Variants in ERBB4 observed in about 807,000 individuals in gnomAD.
ERBB4 encodes the protein erb-b2 receptor tyrosine kinase 4.
In ERBB4, 42 loss-of-function variants were observed where a neutral mutation model predicts 158.0. The ratio of observed to expected loss-of-function variants is 0.27; its 90% CI spans 0.21 to 0.34. The LOEUF (loss-of-function observed/expected upper bound fraction) is 0.34. Among genes scored for constraint, ERBB4 ranks in the 10% least tolerant of loss-of-function variants. The pLI, the probability that ERBB4 is intolerant of heterozygous loss-of-function variation, is 1.00. For missense variants in ERBB4, 1,333 were observed against 1,624.1 expected (o/e 0.82, Z 3.08); for synonymous variants, 583 against 558.7 (o/e 1.04, Z -0.61).
chr2:212,505,129 C>A (rs183728971), intron 1 of ERBB4, among the ~76,000 whole-genome samples: 29 of 152,242 alleles, frequency 1.9e-4, no homozygotes, highest in Non-Finnish European at 2.6e-4. Context: ...CAGACTCTTG[C>A]TCTGTTGCCC....
At chr2:212,510,205 G>GTATATATATATATATATA (rs10556403) in intron 1 of ERBB4, among the ~76,000 whole-genome samples, 138 of 130,430 alleles carry the variant, frequency 1.1e-3, no homozygotes, top group African/African-American at 2.9e-3. Context: ...TAACCACACA[G>GTATATATATATATATATA]TATATATATA....
At chr2:212,519,055 G>T (rs1692002478) in intron 1 of ERBB4, among the ~76,000 whole-genome samples, 1 of 151,934 alleles carries the variant, frequency 6.6e-6, no homozygotes, top group Admixed American at 6.6e-5. Flanking sequence ...CACAGGCACT[G>T]GTGTTCTAAT....
chr2:211,580,442 T>C (rs963095077), intron 19 of ERBB4, among the ~76,000 whole-genome samples: 7 of 151,762 alleles, frequency 4.6e-5, no homozygotes, highest in African/African-American at 1.7e-4. Flanking sequence ...AAAAGCACAA[T>C]GAGATACCAC....
chr2:211,796,457 C>T (rs1377395750), intron 3 of ERBB4, among the ~76,000 whole-genome samples: 2 of 151,918 alleles, frequency 1.3e-5, no homozygotes, highest in African/African-American at 4.8e-5. Context: ...TATATGTACA[C>T]ATTTATGTTG....
At chr2:212,496,277 C>A (rs1328641559) in intron 1 of ERBB4, among the ~76,000 whole-genome samples, 1 of 146,228 alleles carries the variant, frequency 6.8e-6, no homozygotes, top group African/African-American at 2.7e-5. Flanking sequence ...GTTGATTGAC[C>A]TGGTAAAAAA....
intron 15 of ERBB4, among the ~76,000 whole-genome samples, chr2:211,662,600 TAA>T (rs1300697851): frequency 1.3e-5 from 2 of 152,306 alleles, no homozygotes; most frequent in East Asian, 3.9e-4. Flanking sequence ...AAAAGGCTGT[TAA>T]AATAAAAATT....
At chr2:211,486,910 G>A (rs2065218132) in intron 20 of ERBB4, among the ~76,000 whole-genome samples, 1 of 152,016 alleles carries the variant, frequency 6.6e-6, no homozygotes, top group Non-Finnish European at 1.5e-5. Flanking sequence ...GGTACAGAGT[G>A]TCTTTGTATA....
intron 19 of ERBB4, among the ~76,000 whole-genome samples, chr2:211,602,006 G>A (rs780046802): frequency 3.2e-4 from 49 of 152,068 alleles, no homozygotes; most frequent in Non-Finnish European, 5.0e-4. Context: ...CTTCTTTAAA[G>A]AGGGCATTAT....
At chr2:211,783,526 T>G (rs1425747812) in intron 4 of ERBB4, among the ~76,000 whole-genome samples, 1 of 152,204 alleles carries the variant, frequency 6.6e-6, no homozygotes, top group Non-Finnish European at 1.5e-5. Flanking sequence ...GCTCTTATTA[T>G]TTTGAGATAC....
At chr2:211,831,858 G>A (rs192342415) in intron 3 of ERBB4, among the ~76,000 whole-genome samples, 12 of 151,980 alleles carry the variant, frequency 7.9e-5, no homozygotes, top group South Asian at 2.1e-4. Flanking sequence ...AGCCGAGGTC[G>A]CGCCATTGCA....
chr2:212,373,038 A>T (rs1553627368), intron 1 of ERBB4, among the ~76,000 whole-genome samples: 1 of 152,204 alleles, frequency 6.6e-6, no homozygotes, highest in Non-Finnish European at 1.5e-5. Flanking sequence ...TTAAAACAAT[A>T]GTTTTTGTAC....
intron 3 of ERBB4, among the ~76,000 whole-genome samples, chr2:211,873,984 A>G (rs1360444305): frequency 6.6e-6 from 1 of 152,122 alleles, no homozygotes; most frequent in Non-Finnish European, 1.5e-5. Flanking sequence ...TTTTTAATAT[A>G]TCAAGTGAAT....
chr2:211,888,432 T>C (rs555747261), intron 3 of ERBB4, among the ~76,000 whole-genome samples: 1 of 152,364 alleles, frequency 6.6e-6, no homozygotes, highest in East Asian at 1.9e-4. Flanking sequence ...CACACACATA[T>C]ATTCACAATG....
chr2:211,606,970 C>T (rs973393338), intron 19 of ERBB4, among the ~76,000 whole-genome samples: 7 of 152,138 alleles, frequency 4.6e-5, no homozygotes, highest in African/African-American at 1.7e-4. Context: ...TTTCCACATG[C>T]TTGCTAGAGC....
At chr2:212,091,695 A>G (rs899979744) in intron 2 of ERBB4, among the ~76,000 whole-genome samples, 1 of 152,198 alleles carries the variant, frequency 6.6e-6, no homozygotes, top group Non-Finnish European at 1.5e-5. Context: ...TAGTGAAACA[A>G]ACATTGAAAA....
At chr2:211,442,946 G>A (rs1449224300) in intron 20 of ERBB4, among the ~76,000 whole-genome samples, 2 of 151,930 alleles carry the variant, frequency 1.3e-5, no homozygotes, top group East Asian at 1.9e-4. Context: ...AACTGTGAAT[G>A]GCGTGTTCCT....
In ERBB4 at chr2:211,638,499, G is replaced by A. The variant is rs1338718907; in HGVS notation, c.1947-7905C>T. On this transcript the variant is annotated intron_variant, in intron 16 of 27. Coordinates refer to ENST00000342788, the MANE Select transcript of ERBB4 (RefSeq NM_005235.3). ...AGTGATCTTACAGTTTTTGGTTGAC[G>A]AGACCTGGGGTATTACAATAGGTCT... 5.9e-5 allele frequency among the ~76,000 whole-genome samples: 9 copies of A among 152,074 alleles called. 1 individual carries two copies. Among genetic ancestry groups the A allele is most frequent in the Admixed American group, 3.9e-4 (6 of 15,278 alleles).
At position 211,387,937 on chromosome 2, in the gene ERBB4, ATACT is replaced by A; in HGVS notation, c.3183+4_3183+7del. ...CTAAAAGATGAAGGTTGATTGTGAA[ATACT>A]TACTCCTGACATGGGGGTGTAGGCA... On this transcript the variant is annotated splice_donor_5th_base_variant and intron_variant, in intron 26 of 27. Coordinates refer to ENST00000342788, the MANE Select transcript of ERBB4 (RefSeq NM_005235.3). 1.9e-6 allele frequency: 3 copies of A among 1,601,306 alleles called. No individual in the cohort carries two copies. The highest frequency in any genetic ancestry group is 1.1e-5 in the South Asian group (1 of 90,788).
At chr2:211,471,977 TA>T (rs1317110222) in intron 20 of ERBB4, among the ~76,000 whole-genome samples, 1 of 152,058 alleles carries the variant, frequency 6.6e-6, no homozygotes, top group Non-Finnish European at 1.5e-5. Flanking sequence ...CCCTGTCTCT[TA>T]AAAAAGGGGG....
Sources: gnomAD v4.1 joint callset for allele counts (sites outside exome capture counted in the v4.1 genomes callset) on GRCh38, gnomAD v4.1.1 for gene constraint, MANE v1.5 for transcripts, NCBI Gene and HGNC (gene_info 2026-07-23, HGNC 2026-07-21) for gene names.